MAPK10: variants seen among roughly 807,000 people sequenced by gnomAD.
MAPK10 encodes the protein mitogen-activated protein kinase 10, also known as JNK3 alpha protein kinase.
Under a neutral mutation model 59.3 loss-of-function variants are expected in MAPK10, and 25 were observed. The ratio of observed to expected loss-of-function variants is 0.42; its 90% CI spans 0.31 to 0.59. MAPK10 has a LOEUF of 0.59. Among genes scored for constraint, MAPK10 ranks in the 20% least tolerant of loss-of-function variants. The pLI is 0.15. For synonymous variants in MAPK10, 190 were observed against 200.5 expected, an observed-to-expected ratio of 0.95 and a Z score of 0.44; for missense variants, 351 against 568.9, an observed-to-expected ratio of 0.62 and a Z score of 3.90.
In MAPK10 at chr4:86,336,021, TC is replaced by T. The variant is rs1578444173; in HGVS notation, c.-7+18508del. Reference sequence around the variant, plus strand: ...CATTATTCATATAATGTCAGAGATGTCCCCCTGACTGGAGATTTGTCAAGGA... The same window carrying T: ...CATTATTCATATAATGTCAGAGATGTCCCCTGACTGGAGATTTGTCAAGGA... On this transcript the variant is annotated intron_variant, in intron 2 of 13. Transcript: ENST00000641462. Among the ~76,000 whole-genome samples, 4 of 151,990 alleles carry T rather than the reference TC, an allele frequency of 2.6e-5. No homozygotes were observed. In the East Asian group the frequency reaches 7.7e-4, roughly 29 times the overall value.
intron 1 of MAPK10, among the ~76,000 whole-genome samples, chr4:86,546,224 C>T (rs1759143660): frequency 2.0e-5 from 3 of 150,602 alleles, no homozygotes; most frequent in Admixed American, 2.0e-4. Context: ...CTCTTGTCTC[C>T]AAAAATAAAA....
intron 1 of MAPK10, among the ~76,000 whole-genome samples, chr4:86,438,802 G>A (rs948870528): frequency 3.9e-5 from 6 of 151,998 alleles, no homozygotes; most frequent in Non-Finnish European, 8.8e-5. Context: ...AGTCTGACTC[G>A]AGCAAAGGAA....
intron 1 of MAPK10, among the ~76,000 whole-genome samples, chr4:86,576,646 T>A (rs561736461): frequency 1.3e-5 from 2 of 151,672 alleles, no homozygotes; most frequent in Admixed American, 6.6e-5. Context: ...CGGTGGCGGG[T>A]GCCTGTAGTC....
rs1326882556 is a variant in MAPK10 at position 86,078,930 on chromosome 4, A to C, written c.803-10975T>G. On this transcript the variant is annotated intron_variant, in intron 9 of 13. Coordinates refer to ENST00000641462, the MANE Select transcript of MAPK10 (RefSeq NM_138982.4). ...CCTGAACCCATGAGGCACAGGTTGC[A>C]GTAAGCAGAGGTAGCACCATTGCAC... Among the ~76,000 whole-genome samples the C allele has an allele frequency of 2.0e-5, 3 of 152,308 alleles. No homozygotes were observed. The East Asian group carries it at 5.8e-4, about 29-fold the overall frequency.
chr4:86,086,664 T>G lies in MAPK10; in HGVS notation c.802+11860A>C, dbSNP rs533417244. ...TATTGACTAAAAATAACATAACTCCTTATAATGTACTATATAGGTATACAT... is the reference window on the plus strand; with the variant it reads ...TATTGACTAAAAATAACATAACTCCGTATAATGTACTATATAGGTATACAT... On this transcript the variant is annotated intron_variant, in intron 9 of 13. Coordinates refer to ENST00000641462, the MANE Select transcript of MAPK10 (RefSeq NM_138982.4). Among the ~76,000 whole-genome samples, 19 of 152,292 alleles carry G rather than the reference T, an allele frequency of 1.2e-4. No individual in the cohort carries two copies. The South Asian group carries it at 3.9e-3, about 32-fold the overall frequency.
At chr4:86,038,553 A>G (rs1414782320) in intron 11 of MAPK10, among the ~76,000 whole-genome samples, 1 of 116,228 alleles carries the variant, frequency 8.6e-6, no homozygotes, top group African/African-American at 4.1e-5. Context: ...AGAGTTTTCT[A>G]ATTTTTTTTT....
intron 2 of MAPK10, among the ~76,000 whole-genome samples, chr4:86,308,133 A>G (rs1053808507): frequency 1.3e-5 from 2 of 152,144 alleles, no homozygotes; most frequent in African/African-American, 4.8e-5. Flanking sequence ...AAAAAAGAGA[A>G]TTGATTTGGG....
At chr4:86,176,695 C>T (rs2075757844) in intron 3 of MAPK10, among the ~76,000 whole-genome samples, 1 of 152,048 alleles carries the variant, frequency 6.6e-6, no homozygotes, top group African/African-American at 2.4e-5. Flanking sequence ...TAAATTAACA[C>T]TTCTGAAATT....
At chr4:86,370,382 A>T (rs1050167502) in intron 1 of MAPK10, among the ~76,000 whole-genome samples, 15 of 150,158 alleles carry the variant, frequency 1.0e-4, no homozygotes, top group South Asian at 8.4e-4. Context: ...TAACAAATTT[A>T]AAAAAAAAAT....
intron 9 of MAPK10, among the ~76,000 whole-genome samples, chr4:86,093,549 C>T (rs1205833177): frequency 6.6e-6 from 1 of 151,876 alleles, no homozygotes; most frequent in Non-Finnish European, 1.5e-5. Context: ...TACTAAACTT[C>T]AGTTCAAAGA....
chr4:86,070,395 C>CT (rs1270122549), intron 9 of MAPK10, among the ~76,000 whole-genome samples: 22 of 130,776 alleles, frequency 1.7e-4, no homozygotes, highest in Middle Eastern at 4.2e-3. Flanking sequence ...TTTTCTTTTT[C>CT]TTTTTTTTAT....
chr4:86,507,631 T>G (rs1431257366), intron 1 of MAPK10, among the ~76,000 whole-genome samples: 13 of 58,848 alleles, frequency 2.2e-4, no homozygotes, highest in Non-Finnish European at 3.3e-4. Context: ...TATATATATA[T>G]ATATATATAT....
chr4:86,466,970 A>G (rs1319451002), intron 1 of MAPK10, among the ~76,000 whole-genome samples: 1 of 152,192 alleles, frequency 6.6e-6, no homozygotes, highest in Non-Finnish European at 1.5e-5. Context: ...TGTCCAAGAT[A>G]TGTGCTGCAT....
At chr4:86,202,610 G>T (rs183062847) in intron 2 of MAPK10, among the ~76,000 whole-genome samples, 1 of 152,032 alleles carries the variant, frequency 6.6e-6, no homozygotes, top group Admixed American at 6.6e-5. Context: ...CAAGGAGTTT[G>T]CAGTAGTAGA....
At chr4:86,095,068 GTATT>G (rs2053979213) in intron 9 of MAPK10, 1 of 151,622 alleles carries the variant, frequency 6.6e-6, no homozygotes, top group African/African-American at 2.4e-5. Context: ...AGAAAAATAA[GTATT>G]AAGAAGTGAT....
chr4:86,343,489 T>G (rs772185416), intron 2 of MAPK10, among the ~76,000 whole-genome samples: 2 of 152,186 alleles, frequency 1.3e-5, no homozygotes, highest in Non-Finnish European at 2.9e-5. Context: ...TTTTCTCGAT[T>G]TTTTCAAGGG....
intron 1 of MAPK10, among the ~76,000 whole-genome samples, chr4:86,550,261 G>A (rs1250697509): frequency 3.3e-5 from 5 of 151,610 alleles, no homozygotes; most frequent in Admixed American, 2.6e-4. Context: ...ACAATGAACC[G>A]TTGTATATTT....
At chr4:86,043,096 T>G (rs1190192739) in intron 11 of MAPK10, among the ~76,000 whole-genome samples, 1 of 152,150 alleles carries the variant, frequency 6.6e-6, no homozygotes, top group East Asian at 1.9e-4. Flanking sequence ...ACTGTTAGAT[T>G]TATACATCTG....
At chr4:86,180,857 G>T (rs900979100) in intron 3 of MAPK10, among the ~76,000 whole-genome samples, 1 of 152,016 alleles carries the variant, frequency 6.6e-6, no homozygotes, top group Non-Finnish European at 1.5e-5. Flanking sequence ...GATGGGTAAG[G>T]GTTGGGGGAA....
Sources: allele counts gnomAD v4.1 joint callset (sites outside exome capture counted in the v4.1 genomes callset), GRCh38; gene constraint gnomAD v4.1.1; transcripts MANE v1.5; gene names NCBI Gene and HGNC (gene_info 2026-07-23, HGNC 2026-07-21).